The following ZNF407 variants were observed in gnomAD, a reference collection of about 807,000 sequenced individuals.
ZNF407 encodes zinc finger protein 407.
ZNF407 carries 17 observed loss-of-function variants against 131.2 expected under a neutral mutation model. The ratio of observed to expected loss-of-function variants is 0.13; its 90% CI spans 0.09 to 0.19. ZNF407 has a LOEUF of 0.19. Ranked by LOEUF, ZNF407 falls within the 10% of genes least tolerant of loss-of-function variation. The probability of loss-of-function intolerance (pLI) is 1.00; values close to 1 mark genes in which losing one functional copy is unlikely to be tolerated. For synonymous variants in ZNF407, 1,156 were observed against 1,062.0 expected (o/e 1.09, Z -1.72); for missense variants, 2,681 against 2,830.6 (o/e 0.95, Z 1.20).
At chr18:74,767,735 G>A (rs1287179700) in intron 3 of ZNF407, among the ~76,000 whole-genome samples, 2 of 144,698 alleles carry the variant, frequency 1.4e-5, no homozygotes, top group Non-Finnish European at 3.0e-5. Context: ...CTCACTGCAA[G>A]CTCCGTCTCC....
At chr18:74,887,498 G>A (rs911959872) in intron 6 of ZNF407, among the ~76,000 whole-genome samples, 5 of 152,126 alleles carry the variant, frequency 3.3e-5, no homozygotes, top group African/African-American at 1.2e-4. Context: ...TTTCCTGGTA[G>A]GATCTGTTAA....
At position 74,631,310 on chromosome 18, in the gene ZNF407, T is replaced by C. The variant is rs1251172763; in HGVS notation, c.291T>C (p.Ser97=). The part of the protein sequence containing the change: ...GKQGICRLET[S]ESSVTEGGIA... ...AAGGTATTTGTAGATTAGAAACTTC[T>C]GAGAGCTCAGTCACAGAAGGGGGTA... The change falls in exon 2 of 9, where the codon TCT becomes TCC. Residue 97 remains serine, a synonymous_variant. Transcript: ENST00000299687. 6.2e-7 allele frequency: 1 copy of C among 1,614,050 alleles called. No homozygotes were observed. The highest frequency in any genetic ancestry group is 1.1e-5 in the South Asian group (1 of 91,082).
At chr18:74,719,110 A>G (rs1051724109) in intron 3 of ZNF407, among the ~76,000 whole-genome samples, 1 of 152,230 alleles carries the variant, frequency 6.6e-6, no homozygotes, top group Admixed American at 6.5e-5. Context: ...GCTTGGAAAC[A>G]TAAAATGTAT....
rs1443743669 is a variant in ZNF407 at position 74,691,375 on chromosome 18, G to A, written c.4802+50253G>A. Among the ~76,000 whole-genome samples the A allele has an allele frequency of 2.0e-5, 3 of 151,316 alleles. No individual in the cohort carries two copies. In the South Asian group the frequency reaches 6.2e-4, roughly 31 times the overall value. On this transcript the variant is annotated intron_variant, in intron 3 of 8. Coordinates refer to ENST00000299687, the MANE Select transcript of ZNF407 (RefSeq NM_017757.3). ...ATGTAATATTCCTTATTTTATTATAGTATTACCTTTTCTAAAACAGCCATT... is the reference window on the plus strand; with the variant it reads ...ATGTAATATTCCTTATTTTATTATAATATTACCTTTTCTAAAACAGCCATT...
intron 3 of ZNF407, among the ~76,000 whole-genome samples, chr18:74,777,303 C>G (rs1391673836): frequency 6.6e-6 from 1 of 151,942 alleles, no homozygotes; most frequent in African/African-American, 2.4e-5. Context: ...TGTACTGTGT[C>G]AGGCATTTAC....
chr18:74,599,549 C>T (rs1364675635), intron 1 of ZNF407, among the ~76,000 whole-genome samples: 1 of 152,080 alleles, frequency 6.6e-6, no homozygotes, highest in Non-Finnish European at 1.5e-5. Context: ...TTTCTGCTTA[C>T]TAAAATAGAG....
At chr18:74,622,348 G>T (rs979907457) in intron 1 of ZNF407, among the ~76,000 whole-genome samples, 2 of 152,204 alleles carry the variant, frequency 1.3e-5, no homozygotes, top group Admixed American at 6.5e-5. Context: ...GATGCGAGTG[G>T]CCCCCTAGTT....
chr18:74,670,377 G>A (rs1008142479), intron 3 of ZNF407, among the ~76,000 whole-genome samples: 23 of 152,182 alleles, frequency 1.5e-4, no homozygotes, highest in Admixed American at 1.4e-3. Context: ...TTGGATGTCT[G>A]AAAGATCTTA....
intron 4 of ZNF407, among the ~76,000 whole-genome samples, chr18:74,874,855 T>G (rs562986481): frequency 4.0e-4 from 61 of 152,340 alleles, no homozygotes; most frequent in Non-Finnish European, 6.0e-4. Context: ...CTCTGTGCTA[T>G]GTGGAACAGT....
chr18:74,605,955 T>C (rs1197586795), intron 1 of ZNF407, among the ~76,000 whole-genome samples: 3 of 152,226 alleles, frequency 2.0e-5, no homozygotes, highest in Non-Finnish European at 4.4e-5. Flanking sequence ...GAGCTTTTCC[T>C]GACTTCCTAA....
chr18:74,730,164 G>T (rs1383652580), intron 3 of ZNF407, among the ~76,000 whole-genome samples: 1 of 152,196 alleles, frequency 6.6e-6, no homozygotes, highest in African/African-American at 2.4e-5. Flanking sequence ...GAAGGAAATT[G>T]TGCATGGAAA....
intron 1 of ZNF407, among the ~76,000 whole-genome samples, chr18:74,608,192 A>G (rs761145471): frequency 1.3e-5 from 2 of 152,190 alleles, no homozygotes; most frequent in African/African-American, 2.4e-5. Context: ...AATCATTGAA[A>G]CCAGGCAATT....
At chr18:74,709,282 A>G (rs1372415611) in intron 3 of ZNF407, among the ~76,000 whole-genome samples, 3 of 152,236 alleles carry the variant, frequency 2.0e-5, no homozygotes, top group African/African-American at 7.2e-5. Flanking sequence ...AAGATGTAAC[A>G]TGGAATTATT....
intron 3 of ZNF407, among the ~76,000 whole-genome samples, chr18:74,651,957 C>T (rs1985246170): frequency 6.6e-6 from 1 of 152,096 alleles, no homozygotes; most frequent in Admixed American, 6.5e-5. Flanking sequence ...TGTGTCTATA[C>T]TGAGTACAGA....
At chr18:74,722,303 C>A (rs1195169226) in intron 3 of ZNF407, among the ~76,000 whole-genome samples, 1 of 151,960 alleles carries the variant, frequency 6.6e-6, no homozygotes, top group Non-Finnish European at 1.5e-5. Flanking sequence ...AAATTTTCTC[C>A]TTCTGTTTCA....
At chr18:74,685,466 A>G (rs1233437767) in intron 3 of ZNF407, among the ~76,000 whole-genome samples, 3 of 152,124 alleles carry the variant, frequency 2.0e-5, no homozygotes, top group African/African-American at 7.2e-5. Flanking sequence ...CCTCAGCACC[A>G]TCACAGTCTT....
At chr18:74,883,671 T>C (rs1971268894) in intron 6 of ZNF407, among the ~76,000 whole-genome samples, 1 of 152,160 alleles carries the variant, frequency 6.6e-6, no homozygotes, top group Non-Finnish European at 1.5e-5. Flanking sequence ...CCCAAAAGAA[T>C]GTGGGTGTGT....
chr18:74,949,109 A>C (rs1390873151), intron 8 of ZNF407, among the ~76,000 whole-genome samples: 1 of 152,252 alleles, frequency 6.6e-6, no homozygotes, highest in Non-Finnish European at 1.5e-5. Context: ...TAGGGCAAGA[A>C]AATTTGAGAT....
In ZNF407 at chr18:74,976,782, C is replaced by T. The variant is rs574388430; in HGVS notation, c.5428+56090C>T. Among the ~76,000 whole-genome samples, 15 of 152,352 alleles carry T rather than the reference C, an allele frequency of 9.8e-5. No individual in the cohort carries two copies. In the South Asian group the frequency reaches 2.7e-3, roughly 27 times the overall value. ...TGGAGCCTAAGTGGTCCTGTTAAGA[C>T]AGACATCCACACCTGCATTCTGTCA... On this transcript the variant is annotated intron_variant, in intron 8 of 8. Coordinates refer to ENST00000299687, the MANE Select transcript of ZNF407 (RefSeq NM_017757.3).
Sources: gnomAD v4.1 joint callset for allele counts (sites outside exome capture counted in the v4.1 genomes callset) on GRCh38, gnomAD v4.1.1 for gene constraint, MANE v1.5 for transcripts, NCBI Gene and HGNC (gene_info 2026-07-23, HGNC 2026-07-21) for gene names.